S100B: variants seen among roughly 807,000 people sequenced by gnomAD.
S100B encodes the protein protein S100-B.
In S100B, 6 loss-of-function variants were observed where a neutral mutation model predicts 7.7. The observed-to-expected ratio is 0.78, with a 90% CI of 0.43 to 1.54. The LOEUF (loss-of-function observed/expected upper bound fraction) is 1.54, where lower values mean the gene tolerates loss of function less well. Ranked by LOEUF, S100B falls within the 40% of genes most tolerant of loss-of-function variation. S100B has a pLI of 0.01. For synonymous variants in S100B, 36 were observed against 40.4 expected, an observed-to-expected ratio of 0.89 and a Z score of 0.41; for missense variants, 99 against 111.8, an observed-to-expected ratio of 0.89 and a Z score of 0.52.
In S100B at chr21:46,599,149, A is replaced by G. The variant is rs2061034436; in HGVS notation, c.*214T>C. ...AAGAGTCCCTGGGGCCAGTCAGCTT[A>G]CACACAGGCCTAATATAGCAGAAAG... On this transcript the variant is annotated 3_prime_UTR_variant, in exon 3 of 3. Coordinates refer to ENST00000291700, the MANE Select transcript of S100B (RefSeq NM_006272.3). The G allele has an allele frequency of 1.7e-6, 1 of 573,642 alleles. No individual in the cohort carries two copies. The highest frequency in any genetic ancestry group is 3.1e-6 in the Non-Finnish European group (1 of 326,858). The allele number at this position is 573,642 out of a possible 1,614,324, so 35.5% of individuals were successfully genotyped here. A position where few individuals can be genotyped will look rare whatever the true frequency, so the allele number is the denominator to read the frequency against.
At chr21:46,603,691 G>A (rs1337055466) in intron 1 of S100B, among the ~76,000 whole-genome samples, 1 of 152,044 alleles carries the variant, frequency 6.6e-6, no homozygotes, top group Non-Finnish European at 1.5e-5. Flanking sequence ...TTCCCATGTT[G>A]AATATATAAC....
chr21:46,601,119 C>T (rs1447592565), intron 2 of S100B, among the ~76,000 whole-genome samples: 1 of 152,132 alleles, frequency 6.6e-6, no homozygotes, highest in Non-Finnish European at 1.5e-5. Flanking sequence ...AGCCAGCGCC[C>T]CCTCCCCCTG....
chr21:46,603,015 A>G (rs572911582), intron 1 of S100B: 58 of 152,332 alleles, frequency 3.8e-4, no homozygotes, highest in African/African-American at 1.4e-3. Flanking sequence ...TTTAGGAAGA[A>G]AAACGTAGGT....
At chr21:46,604,031 G>T (rs925070529) in intron 1 of S100B, among the ~76,000 whole-genome samples, 6 of 152,156 alleles carry the variant, frequency 3.9e-5, no homozygotes, top group Non-Finnish European at 8.8e-5. Context: ...AGTCCATGAT[G>T]ATTTGGGGAA....
At chr21:46,600,419 G>GC (rs1407387559) in intron 2 of S100B, 1 of 424,162 alleles carries the variant, frequency 2.4e-6, no homozygotes, top group Non-Finnish European at 4.7e-6. Context: ...TGGTCCATGT[G>GC]CCCGTATTCC....
At chr21:46,603,392 A>AGGGGGCGGGGGGGGTGGGGGCGGGGG (rs1555923741) in intron 1 of S100B, among the ~76,000 whole-genome samples, 2 of 38,206 alleles carry the variant, frequency 5.2e-5, no homozygotes, top group African/African-American at 1.0e-4. Context: ...GGACGGCGGG[A>AGGGGGCGGGGGGGGTGGGGGCGGGGG]GGGGGTGGGG....
intron 1 of S100B, among the ~76,000 whole-genome samples, chr21:46,604,146 A>G (rs949052343): frequency 1.4e-4 from 21 of 152,250 alleles, no homozygotes; most frequent in African/African-American, 4.8e-4. Flanking sequence ...AGAAACCACT[A>G]GAAAATATGG....
intron 2 of S100B, among the ~76,000 whole-genome samples, chr21:46,601,656 A>G (rs1255791284): frequency 6.6e-6 from 1 of 152,186 alleles, no homozygotes. Context: ...CCAACTAAAG[A>G]CAGTTCCTCA....
intron 2 of S100B, among the ~76,000 whole-genome samples, chr21:46,599,777 C>T (rs2061036407): frequency 8.1e-6 from 1 of 122,820 alleles, no homozygotes; most frequent in African/African-American, 2.6e-5. Context: ...ACTTAAAATA[C>T]CTGAAAAAAA....
chr21:46,603,392 A>AGGGGGTGGGGGGAGGAGGGGGCGGG, intron 1 of S100B, among the ~76,000 whole-genome samples: 1 of 38,206 alleles, frequency 2.6e-5, no homozygotes, highest in African/African-American at 1.0e-4. Context: ...GGACGGCGGG[A>AGGGGGTGGGGGGAGGAGGGGGCGGG]GGGGGTGGGG....
chr21:46,601,848 C>A (rs2061042169), intron 2 of S100B, among the ~76,000 whole-genome samples: 1 of 152,250 alleles, frequency 6.6e-6, no homozygotes, highest in South Asian at 2.1e-4. Context: ...TTAATTAGTG[C>A]TCAGTCAGTG....
intron 1 of S100B, among the ~76,000 whole-genome samples, chr21:46,603,762 G>T (rs2839360): frequency 0.1 from 15,678 of 152,208 alleles, 1,046 homozygotes; most frequent in East Asian, 0.32. Context: ...AAGGAAACAG[G>T]ATTGAAGATT....
intron 1 of S100B, among the ~76,000 whole-genome samples, chr21:46,604,114 T>A (rs1434992107): frequency 6.6e-6 from 1 of 152,314 alleles, no homozygotes; most frequent in African/African-American, 2.4e-5. Context: ...AAAACATGTA[T>A]CCCATATATT....
chr21:46,599,269 G>T lies in S100B; in HGVS notation c.*94C>A. 1.7e-6 allele frequency: 2 copies of T among 1,151,854 alleles called. No homozygotes were observed. Among genetic ancestry groups the T allele is most frequent in the Non-Finnish European group, 2.5e-6 (2 of 794,272 alleles). 71.4% of individuals were successfully genotyped at this position (1,151,854 alleles called of 1,614,324 possible). A position where few individuals can be genotyped will look rare whatever the true frequency, so the allele number is the denominator to read the frequency against. On this transcript the variant is annotated 3_prime_UTR_variant, in exon 3 of 3. Transcript: ENST00000291700. ...CTTCCTAATTAGCTACAACACGGCT[G>T]GAAAGCTCAGCTCCTACTAGGCTGC...
rs2061034505 is a variant in S100B, at chr21:46,599,176, A to G, written c.*187T>C. 1.6e-6 allele frequency: 1 copy of G among 611,404 alleles called. No homozygotes were observed. Among genetic ancestry groups the G allele is most frequent in the Non-Finnish European group, 2.9e-6 (1 of 348,834 alleles). The allele number at this position is 611,404 out of a possible 1,614,324, so 37.9% of individuals were successfully genotyped here. A position where few individuals can be genotyped will look rare whatever the true frequency, so the allele number is the denominator to read the frequency against. ...ACACAGGCCTAATATAGCAGAAAGAATGATGCAGGCCGTTAAAACAGCCTT... is the reference window on the plus strand; with the variant it reads ...ACACAGGCCTAATATAGCAGAAAGAGTGATGCAGGCCGTTAAAACAGCCTT... On this transcript the variant is annotated 3_prime_UTR_variant, in exon 3 of 3. Transcript: ENST00000291700.
chr21:46,599,813 C>T (rs1238462912), intron 2 of S100B, among the ~76,000 whole-genome samples: 2 of 152,004 alleles, frequency 1.3e-5, no homozygotes, highest in Non-Finnish European at 2.9e-5. Flanking sequence ...TCAGCCTGAG[C>T]AAATGTCTTG....
At chr21:46,601,312 G>A (rs1431930743) in intron 2 of S100B, among the ~76,000 whole-genome samples, 2 of 152,148 alleles carry the variant, frequency 1.3e-5, no homozygotes, top group East Asian at 1.9e-4. Flanking sequence ...CATTTATCCC[G>A]TTTGTGATTG....
At chr21:46,603,392 A>AAGGGGTGGGGGGAGGGGGGGGCGGGGGG (rs2061047262) in intron 1 of S100B, among the ~76,000 whole-genome samples, 3 of 38,230 alleles carry the variant, frequency 7.8e-5, no homozygotes, top group Non-Finnish European at 9.8e-5. Context: ...GGACGGCGGG[A>AAGGGGTGGGGGGAGGGGGGGGCGGGGGG]GGGGGTGGGG....
Position 46,599,266 on chromosome 21 carries a change from G to T in S100B, c.*97C>A. The T allele has an allele frequency of 1.8e-6, 2 of 1,113,560 alleles. No homozygotes were observed. Among genetic ancestry groups the T allele is most frequent in the Middle Eastern group, 2.1e-4 (1 of 4,788 alleles). The allele number at this position is 1,113,560 out of a possible 1,614,324, so 69.0% of individuals were successfully genotyped here. On this transcript the variant is annotated 3_prime_UTR_variant, in exon 3 of 3. Transcript: ENST00000291700. ...AAGCTTCCTAATTAGCTACAACACG[G>T]CTGGAAAGCTCAGCTCCTACTAGGC...
Sources: gnomAD v4.1 joint callset for allele counts (sites outside exome capture counted in the v4.1 genomes callset) on GRCh38, gnomAD v4.1.1 for gene constraint, MANE v1.5 for transcripts, NCBI Gene and HGNC (gene_info 2026-07-23, HGNC 2026-07-21) for gene names.